ZNF487: variants seen among roughly 807,000 people sequenced by gnomAD.
ZNF487 encodes the protein KRAB domain only 1.
In ZNF487, 4 loss-of-function variants were observed where a neutral mutation model predicts 3.0. The observed-to-expected ratio is 1.35, with a 90% CI of 0.66 to 3.08. ZNF487 has a LOEUF of 3.08. Ranked by LOEUF, ZNF487 falls within the 30% of genes most tolerant of loss-of-function variation. The pLI, the probability that ZNF487 is intolerant of heterozygous loss-of-function variation, is 0.01. For synonymous variants in ZNF487, 55 were observed against 34.6 expected (o/e 1.59, Z -2.06); for missense variants, 146 against 98.7 (o/e 1.48, Z -2.03).
chr10:43,494,980 A>AGCTAAACAGCTAG, the ZNF487 span, among the ~76,000 whole-genome samples: 5 of 151,504 alleles, frequency 3.3e-5, no homozygotes, highest in South Asian at 1.0e-3. Flanking sequence ...ATACTAGCCT[A>AGCTAAACAGCTAG]GCTGTTTACA....
the ZNF487 span, among the ~76,000 whole-genome samples, chr10:43,506,696 C>T: frequency 3.3e-5 from 5 of 152,184 alleles, no homozygotes; most frequent in African/African-American, 4.8e-5. Context: ...CACTTATTCC[C>T]GAGTGAAATA....
At chr10:43,443,609 G>C (rs1016340128) in intron 1 of ZNF487, among the ~76,000 whole-genome samples, 9 of 151,514 alleles carry the variant, frequency 5.9e-5, no homozygotes, top group Non-Finnish European at 1.0e-4. Context: ...CCTGACCTCA[G>C]GTAATCCACC....
the ZNF487 span, among the ~76,000 whole-genome samples, chr10:43,510,073 A>G: frequency 6.6e-6 from 1 of 152,256 alleles, no homozygotes; most frequent in Non-Finnish European, 1.5e-5. Flanking sequence ...TGTGAAGTCA[A>G]TAAATCTTAT....
the ZNF487 span, among the ~76,000 whole-genome samples, chr10:43,498,114 C>CTTTTTTTT: frequency 4.9e-4 from 12 of 24,604 alleles, no homozygotes; most frequent in Non-Finnish European, 5.2e-4. Context: ...TTTTTTTTTT[C>CTTTTTTTT]TTTTTTTTTT....
intron 1 of ZNF487, among the ~76,000 whole-genome samples, chr10:43,451,724 C>A (rs1367320563): frequency 1.3e-5 from 2 of 151,688 alleles, no homozygotes; most frequent in Non-Finnish European, 2.9e-5. Flanking sequence ...GGCCACCACG[C>A]CTGGCTAATT....
chr10:43,479,644 T>C (rs1841235682), intron 3 of ZNF487, among the ~76,000 whole-genome samples: 1 of 152,104 alleles, frequency 6.6e-6, no homozygotes, highest in Non-Finnish European at 1.5e-5. Context: ...GTTGTTTTTA[T>C]TTTATTTATT....
chr10:43,468,679 CA>C (rs71016773), intron 1 of ZNF487, among the ~76,000 whole-genome samples: 366 of 36,034 alleles, frequency 0.01, no homozygotes, highest in Middle Eastern at 0.031. Flanking sequence ...AACTCTGTCT[CA>C]AAAAAAAAAA....
intron 1 of ZNF487, among the ~76,000 whole-genome samples, chr10:43,442,331 T>C (rs4561156): frequency 0.011 from 1,624 of 152,234 alleles, 95 homozygotes; most frequent in Admixed American, 0.09. Flanking sequence ...TCAATTTATA[T>C]ATTGTTTTGG....
the ZNF487 span, among the ~76,000 whole-genome samples, chr10:43,491,165 G>A: frequency 1.3e-5 from 2 of 150,512 alleles, 1 homozygote; most frequent in African/African-American, 4.9e-5. Context: ...GTAGAGACGG[G>A]GTTTCACCAT....
At chr10:43,444,686 A>G (rs1839737072) in intron 1 of ZNF487, among the ~76,000 whole-genome samples, 1 of 152,090 alleles carries the variant, frequency 6.6e-6, no homozygotes, top group Admixed American at 6.6e-5. Flanking sequence ...CTCTCATCTC[A>G]GCATCCCAAG....
intron 1 of ZNF487, among the ~76,000 whole-genome samples, chr10:43,445,952 C>T (rs1839780739): frequency 6.6e-6 from 1 of 152,104 alleles, no homozygotes; most frequent in Non-Finnish European, 1.5e-5. Context: ...TCCATTTAAC[C>T]CTGAGTTGAC....
Position 43,482,517 on chromosome 10 carries a change from A to C in ZNF487, c.*595A>C. 1 of 485,364 alleles carries C rather than the reference A, an allele frequency of 2.1e-6. No individual in the cohort carries two copies. The allele number at this position is 485,364 out of a possible 1,614,324, so 30.1% of individuals were successfully genotyped here. A position where few individuals can be genotyped will look rare whatever the true frequency, so the allele number is the denominator to read the frequency against. On this transcript the variant is annotated 3_prime_UTR_variant, in exon 4 of 4. Coordinates refer to ENST00000437590, the MANE Select transcript of ZNF487 (RefSeq NM_001355444.3). ...CTATGAATGTAATGAATGTGGAAAA[A>C]ACTTCTGTGAGAAGTCAAATCTTCA...
In ZNF487 at chr10:43,447,985, A is replaced by ATTTT. The variant is rs71016768; in HGVS notation, c.-94+10742_-94+10745dup. Among the ~76,000 whole-genome samples, 96 of 100,110 alleles carry ATTTT rather than the reference A, an allele frequency of 9.6e-4. 1 individual carries two copies. The highest frequency in any genetic ancestry group is 1.2e-3 in the Non-Finnish European group (67 of 54,470). The allele number at this position is 100,110 out of a possible 152,430, so 65.7% of individuals were successfully genotyped here. A position where few individuals can be genotyped will look rare whatever the true frequency, so the allele number is the denominator to read the frequency against. On this transcript the variant is annotated intron_variant, in intron 1 of 3. Coordinates refer to ENST00000437590, the MANE Select transcript of ZNF487 (RefSeq NM_001355444.3). ...TCTGATGTTCAGGGTCTTGGAAACC[A>ATTTT]TTTTTTTTTTTTTTTTTTTTTTGAG... is the stretch of plus-strand genomic sequence containing the variant.
the ZNF487 span, among the ~76,000 whole-genome samples, chr10:43,512,370 C>T: frequency 6.6e-6 from 1 of 152,106 alleles, no homozygotes; most frequent in East Asian, 1.9e-4. Flanking sequence ...TATGCCACTT[C>T]CGTTTGATGA....
chr10:43,446,765 A>C (rs959320486), intron 1 of ZNF487, among the ~76,000 whole-genome samples: 21 of 152,102 alleles, frequency 1.4e-4, no homozygotes, highest in Non-Finnish European at 2.6e-4. Context: ...GGCCAGGCAG[A>C]GACGCTCCTC....
chr10:43,504,293 C>CTTTTTTTTT, the ZNF487 span, among the ~76,000 whole-genome samples: 114 of 108,944 alleles, frequency 1.0e-3, 2 homozygotes, highest in Non-Finnish European at 1.2e-3. Flanking sequence ...TTCTTTCTTT[C>CTTTTTTTTT]TTTTTTTTTT....
the ZNF487 span, among the ~76,000 whole-genome samples, chr10:43,492,734 A>T: frequency 1.3e-5 from 2 of 152,090 alleles, no homozygotes; most frequent in East Asian, 1.9e-4. Context: ...TTTATTTTTT[A>T]AAAATAAATT....
At chr10:43,503,033 A>C in the ZNF487 span, among the ~76,000 whole-genome samples, 1 of 151,628 alleles carries the variant, frequency 6.6e-6, no homozygotes, top group Non-Finnish European at 1.5e-5. Flanking sequence ...GTCTCAAAAA[A>C]AAAAAAAAAA....
chr10:43,498,110 T>C, the ZNF487 span, among the ~76,000 whole-genome samples: 1 of 10,200 alleles, frequency 9.8e-5, no homozygotes, highest in Non-Finnish European at 1.8e-4. Flanking sequence ...TTTTTTTTTT[T>C]TTTCTTTTTT....
Sources: allele counts gnomAD v4.1 joint callset (sites outside exome capture counted in the v4.1 genomes callset), GRCh38; gene constraint gnomAD v4.1.1; transcripts MANE v1.5; gene names NCBI Gene and HGNC (gene_info 2026-07-23, HGNC 2026-07-21).